Variants in TANC2 observed in about 807,000 individuals in gnomAD.
TANC2 encodes the protein protein TANC2.
TANC2 carries 26 observed loss-of-function variants against 210.5 expected under a neutral mutation model. That is an observed-to-expected ratio of 0.12 (90% CI 0.09 to 0.17). The LOEUF (loss-of-function observed/expected upper bound fraction) is 0.17, where lower values mean the gene tolerates loss of function less well. Ranked by LOEUF, TANC2 falls within the 10% of genes least tolerant of loss-of-function variation. The pLI, the probability that TANC2 is intolerant of heterozygous loss-of-function variation, is 1.00. For missense variants in TANC2, 2,129 were observed against 2,608.9 expected, an observed-to-expected ratio of 0.82 and a Z score of 4.01; for synonymous variants, 931 against 967.1, an observed-to-expected ratio of 0.96 and a Z score of 0.69.
chr17:63,010,585 G>C (rs2033822463), intron 2 of TANC2, among the ~76,000 whole-genome samples: 1 of 151,830 alleles, frequency 6.6e-6, no homozygotes, highest in African/African-American at 2.4e-5. Context: ...TATGGGTTAT[G>C]GTCTCAGTCC....
intron 1 of TANC2, among the ~76,000 whole-genome samples, chr17:62,994,536 T>C (rs1201422894): frequency 6.6e-6 from 1 of 152,166 alleles, no homozygotes; most frequent in Non-Finnish European, 1.5e-5. Flanking sequence ...TTTCTATTTC[T>C]AGTATGTTGA....
At chr17:63,403,137 C>G (rs1446016548) in intron 19 of TANC2, among the ~76,000 whole-genome samples, 1 of 152,232 alleles carries the variant, frequency 6.6e-6, no homozygotes, top group Non-Finnish European at 1.5e-5. Flanking sequence ...TCAGACTGGA[C>G]AGTATGGCTT....
intron 4 of TANC2, among the ~76,000 whole-genome samples, chr17:63,147,729 CA>C (rs1421374117): frequency 6.6e-6 from 1 of 152,206 alleles, no homozygotes; most frequent in Non-Finnish European, 1.5e-5. Context: ...TTCTGTACCA[CA>C]TATTTATTGT....
At chr17:62,988,924 C>T (rs541449718) in intron 1 of TANC2, among the ~76,000 whole-genome samples, 1 of 152,208 alleles carries the variant, frequency 6.6e-6, no homozygotes, top group East Asian at 1.9e-4. Flanking sequence ...GAAAAGGAGC[C>T]AAAGATTTTG....
At position 63,335,334 on chromosome 17, in the gene TANC2, C is replaced by T. The variant is rs1018810842; in HGVS notation, c.1576-4767C>T. Among the ~76,000 whole-genome samples the T allele has an allele frequency of 4.6e-5, 7 of 152,020 alleles. No homozygotes were observed. In the South Asian group the frequency reaches 6.2e-4, roughly 14 times the overall value. On this transcript the variant is annotated intron_variant, in intron 11 of 27. Transcript: ENST00000689528. ...TACCCTTCAAAAGTGTCAAGATGGCCGGGCACGGTGGCTCATGCCTGTAAT... is the reference window on the plus strand; with the variant it reads ...TACCCTTCAAAAGTGTCAAGATGGCTGGGCACGGTGGCTCATGCCTGTAAT...
At chr17:62,981,607 A>G (rs1486263061) in intron 1 of TANC2, among the ~76,000 whole-genome samples, 1 of 152,160 alleles carries the variant, frequency 6.6e-6, no homozygotes, top group Non-Finnish European at 1.5e-5. Context: ...ATTCCCTACA[A>G]TGATTTCTGA....
intron 14 of TANC2, among the ~76,000 whole-genome samples, chr17:63,371,988 C>G (rs1384129311): frequency 6.6e-6 from 1 of 152,142 alleles, no homozygotes; most frequent in Non-Finnish European, 1.5e-5. Context: ...TCTCTGCTAT[C>G]CTGGATACCA....
At chr17:63,255,326 T>C (rs2043162805) in intron 8 of TANC2, among the ~76,000 whole-genome samples, 1 of 151,932 alleles carries the variant, frequency 6.6e-6, no homozygotes, top group South Asian at 2.1e-4. Flanking sequence ...CTGACCTTGT[T>C]TGTGATCCGC....
chr17:63,412,865 A>G lies in TANC2; in HGVS notation c.3928+156A>G, dbSNP rs1236779016. ...TTTTTTTTAATGACTGTTGTAGAGA[A>G]TAACTTGAACTTTTGATAACTAACC... On this transcript the variant is annotated intron_variant, in intron 24 of 27. Transcript: ENST00000689528. The surrounding 1 kb of genome is among the most constrained non-coding windows in gnomAD (Gnocchi z 4.2). Among the ~76,000 whole-genome samples, 1 of 152,188 alleles carries G rather than the reference A, an allele frequency of 6.6e-6. No individual in the cohort carries two copies. The highest frequency in any genetic ancestry group is 1.5e-5 in the Non-Finnish European group (1 of 68,032).
chr17:63,181,380 C>G (rs979096914), intron 5 of TANC2, among the ~76,000 whole-genome samples: 1 of 152,192 alleles, frequency 6.6e-6, no homozygotes, highest in Admixed American at 6.5e-5. Flanking sequence ...ATAGACTACC[C>G]TCTACAGTCT....
At chr17:63,019,828 TG>T (rs2034271597) in intron 2 of TANC2, among the ~76,000 whole-genome samples, 1 of 152,188 alleles carries the variant, frequency 6.6e-6, no homozygotes, top group Non-Finnish European at 1.5e-5. Context: ...TGTATGTGTG[TG>T]TGTGTGTTGG....
intron 8 of TANC2, among the ~76,000 whole-genome samples, chr17:63,249,656 A>C (rs898628625): frequency 6.6e-6 from 1 of 152,190 alleles, no homozygotes; most frequent in African/African-American, 2.4e-5. Flanking sequence ...ACAGAACGGG[A>C]ATCTAGGGGG....
chr17:63,072,787 C>T (rs2036443985), intron 2 of TANC2, among the ~76,000 whole-genome samples: 1 of 151,872 alleles, frequency 6.6e-6, no homozygotes, highest in African/African-American at 2.4e-5. Context: ...CAGCCCTCTA[C>T]AAAATAGAGA....
At chr17:63,180,983 C>G (rs1268780694) in intron 5 of TANC2, among the ~76,000 whole-genome samples, 4 of 134,644 alleles carry the variant, frequency 3.0e-5, no homozygotes, top group African/African-American at 1.2e-4. Context: ...AAGATTGCAC[C>G]ACTGCACTCC....
At chr17:63,220,734 A>ATATG (rs1292539205) in intron 7 of TANC2, among the ~76,000 whole-genome samples, 2 of 145,012 alleles carry the variant, frequency 1.4e-5, no homozygotes, top group Non-Finnish European at 3.0e-5. Flanking sequence ...ATATATATAT[A>ATATG]TATGTATATA....
intron 8 of TANC2, among the ~76,000 whole-genome samples, chr17:63,249,673 G>A (rs1242697440): frequency 2.0e-5 from 3 of 152,154 alleles, no homozygotes; most frequent in Non-Finnish European, 4.4e-5. Flanking sequence ...GGGGATTTAA[G>A]CAAACCCAAT....
At chr17:63,215,678 A>G (rs2042005272) in intron 7 of TANC2, among the ~76,000 whole-genome samples, 1 of 152,188 alleles carries the variant, frequency 6.6e-6, no homozygotes, top group African/African-American at 2.4e-5. Context: ...CATGCCAGGA[A>G]AAGGGATGGA....
At chr17:63,309,458 T>G (rs1319022462) in intron 9 of TANC2, among the ~76,000 whole-genome samples, 1 of 152,090 alleles carries the variant, frequency 6.6e-6, no homozygotes, top group African/African-American at 2.4e-5. Flanking sequence ...AGATAAACAT[T>G]TTTAAATGTT....
At chr17:63,126,769 T>G (rs565541626) in intron 4 of TANC2, among the ~76,000 whole-genome samples, 1 of 152,276 alleles carries the variant, frequency 6.6e-6, no homozygotes, top group South Asian at 2.1e-4. Flanking sequence ...TATTTATTGA[T>G]CAGACTTGTG....
Sources: allele counts gnomAD v4.1 joint callset (sites outside exome capture counted in the v4.1 genomes callset), GRCh38; gene constraint gnomAD v4.1.1; non-coding constraint Gnocchi (gnomAD v3.1); transcripts MANE v1.5; gene names NCBI Gene and HGNC (gene_info 2026-07-23, HGNC 2026-07-21).